FAM72A: variants seen among roughly 807,000 people sequenced by gnomAD.
The protein encoded by FAM72A is regulator of UNG2 and MKLN1 interacting yippee protein 1.
FAM72A carries 1 observed loss-of-function variant against 11.3 expected under a neutral mutation model. The observed-to-expected ratio is 0.09, with a 90% CI of 0.03 to 0.42. The LOEUF (loss-of-function observed/expected upper bound fraction) is 0.42, where lower values mean the gene tolerates loss of function less well. FAM72A is among the 10% of genes least tolerant of loss of function. The pLI is 0.98. For missense variants in FAM72A, 15 were observed against 135.5 expected, an observed-to-expected ratio of 0.11 and a Z score of 4.41; for synonymous variants, 5 against 46.9, an observed-to-expected ratio of 0.11 and a Z score of 3.65.
At chr1:206,194,441 T>C (rs1553298093) in intron 3 of FAM72A, among the ~76,000 whole-genome samples, 3 of 152,148 alleles carry the variant, frequency 2.0e-5, no homozygotes, top group East Asian at 1.9e-4. Context: ...TTGAGAGGAT[T>C]GACTCCAATT....
chr1:206,205,047 G>C (rs1287916550), upstream of FAM72A: 1 of 152,042 alleles, frequency 6.6e-6, no homozygotes, highest in Non-Finnish European at 1.5e-5. Context: ...TTGATGTACA[G>C]GGAGGTGCCC....
At chr1:206,198,692 T>C (rs1462734611) in intron 2 of FAM72A, among the ~76,000 whole-genome samples, 5 of 151,274 alleles carry the variant, frequency 3.3e-5, no homozygotes, top group African/African-American at 1.2e-4. Context: ...TAATTTATAG[T>C]TTATTGAGCA....
intron 2 of FAM72A, among the ~76,000 whole-genome samples, chr1:206,196,169 C>T (rs1360465819): frequency 6.7e-5 from 9 of 135,016 alleles, no homozygotes; most frequent in South Asian, 2.6e-4. Context: ...CTGCAACCTC[C>T]GCCTCCCAGG....
intron 3 of FAM72A, among the ~76,000 whole-genome samples, chr1:206,193,748 C>T (rs1429959426): frequency 1.3e-5 from 2 of 150,732 alleles, no homozygotes; most frequent in Admixed American, 1.3e-4. Flanking sequence ...AAAGCCTGGA[C>T]GACAGCAAAT....
chr1:206,196,706 A>T (rs1477609721), intron 2 of FAM72A, among the ~76,000 whole-genome samples: 1 of 141,810 alleles, frequency 7.1e-6, no homozygotes, highest in Non-Finnish European at 1.5e-5. Flanking sequence ...AAATAAAGCA[A>T]TCTACAGCCT....
chr1:206,205,104 C>T (rs1665791177), upstream of FAM72A: 2 of 152,104 alleles, frequency 1.3e-5, no homozygotes, highest in East Asian at 1.9e-4. Context: ...GGGAGGGCTC[C>T]CTCGGGCTGG....
intron 2 of FAM72A, among the ~76,000 whole-genome samples, chr1:206,198,215 T>G (rs1665171394): frequency 6.9e-6 from 1 of 145,904 alleles, no homozygotes; most frequent in Non-Finnish European, 1.5e-5. Flanking sequence ...ATATGAAAAA[T>G]TAGCTGGGCA....
chr1:206,193,137 T>C (rs1359779657), intron 3 of FAM72A, among the ~76,000 whole-genome samples: 1 of 151,700 alleles, frequency 6.6e-6, no homozygotes, highest in Non-Finnish European at 1.5e-5. Flanking sequence ...GGTCTCGAAC[T>C]CCCAACCTCA....
At chr1:206,191,783 A>C (rs1343395033) in intron 3 of FAM72A, among the ~76,000 whole-genome samples, 1 of 133,064 alleles carries the variant, frequency 7.5e-6, no homozygotes, top group Admixed American at 8.4e-5. Flanking sequence ...GCTGGAGTGC[A>C]GCGGTGCCAC....
chr1:206,198,307 TA>T (rs1206861625), intron 2 of FAM72A, among the ~76,000 whole-genome samples: 6 of 148,960 alleles, frequency 4.0e-5, no homozygotes, highest in Non-Finnish European at 8.9e-5. Context: ...GAGGTTGCAG[TA>T]AGCTGAGATC....
chr1:206,203,799 C>T, upstream of FAM72A: 3 of 1,533,152 alleles, frequency 2.0e-6, no homozygotes, highest in South Asian at 1.2e-5. Context: ...CCTCAGACCG[C>T]CCCCCCTCCA....
At chr1:206,189,263 T>C (rs1454147967) in intron 3 of FAM72A, among the ~76,000 whole-genome samples, 1 of 151,326 alleles carries the variant, frequency 6.6e-6, no homozygotes, top group Non-Finnish European at 1.5e-5. Context: ...CAAGGCGACA[T>C]GCACAGGGAT....
At chr1:206,191,612 CAA>C (rs541222246) in intron 3 of FAM72A, among the ~76,000 whole-genome samples, 12 of 85,442 alleles carry the variant, frequency 1.4e-4, no homozygotes, top group Non-Finnish European at 1.4e-4. Flanking sequence ...AACTCTGTCT[CAA>C]AAAAAAAAAA....
At chr1:206,193,193 G>A (rs1489646097) in intron 3 of FAM72A, among the ~76,000 whole-genome samples, 3 of 151,532 alleles carry the variant, frequency 2.0e-5, no homozygotes, top group South Asian at 2.1e-4. Context: ...GATTACAGGC[G>A]TGAGCCACCG....
At chr1:206,196,137 CTT>C (rs1333496998) in intron 2 of FAM72A, among the ~76,000 whole-genome samples, 5 of 145,152 alleles carry the variant, frequency 3.4e-5, no homozygotes, top group African/African-American at 1.3e-4. Flanking sequence ...GAGTTTTGCT[CTT>C]GTCACCCAGG....
At chr1:206,191,861 C>T (rs1176838648) in intron 3 of FAM72A, among the ~76,000 whole-genome samples, 2 of 150,964 alleles carry the variant, frequency 1.3e-5, no homozygotes, top group Admixed American at 6.6e-5. Context: ...AGGCTGGTCT[C>T]GAACCCCTGA....
intron 3 of FAM72A, among the ~76,000 whole-genome samples, chr1:206,188,880 A>ACC (rs1553297211): frequency 6.7e-6 from 1 of 149,592 alleles, no homozygotes; most frequent in African/African-American, 2.5e-5. Flanking sequence ...CAGGATACCC[A>ACC]CCCCATATAC....
intron 2 of FAM72A, among the ~76,000 whole-genome samples, chr1:206,196,863 C>T (rs1665089774): frequency 1.3e-5 from 2 of 149,280 alleles, no homozygotes; most frequent in East Asian, 2.0e-4. Flanking sequence ...TTAGCTAGTA[C>T]TTTAAAAAAA....
At chr1:206,191,721 ATTATTTTT>A (rs1664812157) in intron 3 of FAM72A, among the ~76,000 whole-genome samples, 2 of 98,802 alleles carry the variant, frequency 2.0e-5, no homozygotes, top group African/African-American at 1.1e-4. Flanking sequence ...TTACTAAAAT[ATTATTTTT>A]TTTTTTTTTT....
Sources: allele counts gnomAD v4.1 joint callset (sites outside exome capture counted in the v4.1 genomes callset), GRCh38; gene constraint gnomAD v4.1.1; transcripts MANE v1.5; gene names NCBI Gene and HGNC (gene_info 2026-07-23, HGNC 2026-07-21).